The following ELAC2 variants were observed in gnomAD, a reference collection of about 807,000 sequenced individuals.
ELAC2 encodes the protein zinc phosphodiesterase ELAC protein 2.
In ELAC2, 92 loss-of-function variants were observed where a neutral mutation model predicts 105.2. The ratio of observed to expected loss-of-function variants is 0.87; its 90% CI spans 0.74 to 1.04. The LOEUF (loss-of-function observed/expected upper bound fraction) is 1.04. Ranked by LOEUF, ELAC2 falls within the 50% of genes least tolerant of loss-of-function variation. The probability of loss-of-function intolerance (pLI) is 0.00; values close to 1 mark genes in which losing one functional copy is unlikely to be tolerated. For missense variants in ELAC2, 1,099 were observed against 1,071.7 expected (o/e 1.03, Z -0.36); for synonymous variants, 468 against 409.1 (o/e 1.14, Z -1.74).
At position 12,992,156 on chromosome 17, in the gene ELAC2, G is replaced by T. The variant is rs1346611186; in HGVS notation, c.*662C>A. 1.3e-5 allele frequency among the ~76,000 whole-genome samples: 2 copies of T among 151,408 alleles called. No homozygotes were observed. Among genetic ancestry groups the T allele is most frequent in the Non-Finnish European group, 2.9e-5 (2 of 67,940 alleles). On this transcript the variant is annotated 3_prime_UTR_variant, in exon 24 of 24. Coordinates refer to ENST00000338034, the MANE Select transcript of ELAC2 (RefSeq NM_018127.7). ...ATTGATTGATTGATTGATTGATAGA[G>T]AAAGCACGCCCTGCTGTGAGCTGGC...
chr17:13,011,561 A>G, intron 7 of ELAC2, 102 bp downstream of exon 7: 1 of 1,585,158 alleles, frequency 6.3e-7, no homozygotes, highest in Admixed American at 1.7e-5. Flanking sequence ...ATCTGTTTAC[A>G]CACCTGGCTT....
chr17:13,016,183 C>T (rs2041711344), intron 3 of ELAC2, among the ~76,000 whole-genome samples: 1 of 152,144 alleles, frequency 6.6e-6, no homozygotes, highest in Non-Finnish European at 1.5e-5. Flanking sequence ...TCCTTCCGGT[C>T]CATGCCACCA....
rs564459970 is a variant in ELAC2, at chr17:13,001,063, G to C, written c.1305-789C>G. Among the ~76,000 whole-genome samples the C allele has an allele frequency of 2.4e-4, 36 of 152,276 alleles. No individual in the cohort carries two copies. In the South Asian group the frequency reaches 7.2e-3, roughly 31 times the overall value. ...GATGTTGCCTGTGGGCCCGAGTCTT[G>C]CTAGTATAGTCTCTTAAAGGGCCCC... On this transcript the variant is annotated intron_variant, in intron 14 of 23. Transcript: ENST00000338034.
At chr17:13,014,363 A>C (rs1413961181) in intron 5 of ELAC2, 76 bp downstream of exon 5, 1 of 1,102,922 alleles carries the variant, frequency 9.1e-7, no homozygotes, top group Non-Finnish European at 1.4e-6. Flanking sequence ...TGATGTTTTT[A>C]ATGGATTCTA....
chr17:12,994,714 A>G, intron 21 of ELAC2, 50 bp downstream of exon 21: 3 of 1,613,020 alleles, frequency 1.9e-6, no homozygotes, highest in Non-Finnish European at 2.5e-6. Flanking sequence ...ACCTCCAGCT[A>G]CACAAACCCC....
At position 13,017,865 on chromosome 17, in the gene ELAC2, C is replaced by A; in HGVS notation, c.83G>T (p.Arg28Leu). The change falls in exon 1 of 24, where the codon CGC (arginine) becomes CTC (leucine). Residue 28 changes from arginine (R) to leucine (L), a missense_variant. Transcript: ENST00000338034. ...QGRTISQAPA[R>L]RERPRKDPLR... ...CGGGTCCTTGCGCGGCCGCTCGCGG[C>A]GGGCGGGTGCCTGCGATATGGTGCG... is the stretch of plus-strand genomic sequence containing the variant. 5 of 1,554,014 alleles carry A rather than the reference C, an allele frequency of 3.2e-6. No individual in the cohort carries two copies. The highest frequency in any genetic ancestry group is 3.5e-6 in the Non-Finnish European group (4 of 1,151,696).
intron 3 of ELAC2, among the ~76,000 whole-genome samples, chr17:13,016,550 C>T (rs910013278): frequency 2.0e-5 from 3 of 151,670 alleles, no homozygotes; most frequent in Non-Finnish European, 2.9e-5. Flanking sequence ...TCTGGGAGGC[C>T]GAGACAGGAG....
intron 23 of ELAC2, among the ~76,000 whole-genome samples, 155 bp from the exon 24 acceptor site, chr17:12,993,200 G>C (rs574287058): frequency 6.6e-6 from 1 of 152,376 alleles, no homozygotes; most frequent in Non-Finnish European, 1.5e-5. Context: ...AAAAAGAATG[G>C]CATGGAGGGA....
intron 11 of ELAC2, among the ~76,000 whole-genome samples, chr17:13,004,298 C>T (rs778803524): frequency 1.3e-5 from 2 of 152,082 alleles, no homozygotes; most frequent in Non-Finnish European, 2.9e-5. Flanking sequence ...CAACTCCTAA[C>T]GCTCTGACTC....
chr17:13,002,219 A>G, intron 14 of ELAC2, 55 bp downstream of exon 14: 1 of 1,589,348 alleles, frequency 6.3e-7, no homozygotes, highest in South Asian at 1.1e-5. Flanking sequence ...GGCTATTTAC[A>G]GAAATGTTTC....
chr17:13,003,630 A>G, intron 11 of ELAC2, 56 bp from the exon 12 acceptor site: 1 of 1,518,258 alleles, frequency 6.6e-7, no homozygotes, highest in Non-Finnish European at 9.1e-7. Flanking sequence ...ACACCAAGAC[A>G]GGGACCACGC....
chr17:12,996,178 C>T (rs983183972), intron 17 of ELAC2, 200 bp from the exon 18 acceptor site: 9 of 700,422 alleles, frequency 1.3e-5, no homozygotes, highest in African/African-American at 7.1e-5. Flanking sequence ...CGACACGACC[C>T]GTGCTGGGAA....
At position 13,014,488 on chromosome 17, in the gene ELAC2, G is replaced by C; in HGVS notation, c.441C>G (p.Tyr147Ter). 6.2e-7 allele frequency: 1 copy of C among 1,612,896 alleles called. No individual in the cohort carries two copies. Among genetic ancestry groups the C allele is most frequent in the Non-Finnish European group, 8.5e-7 (1 of 1,179,022 alleles). Residue 147 changes from tyrosine (Y) to a stop codon, truncating the protein, a stop_gained, in exon 5 of 24, where the codon TAC becomes TAG. Coordinates refer to ENST00000338034, the MANE Select transcript of ELAC2 (RefSeq NM_018127.7). LOFTEE classifies it high-confidence loss of function. ...CAGAAAATATTTTGATTGCTTCGAG[G>C]TATTTTTCCTAATGAAAAACAAAGA... is the stretch of plus-strand genomic sequence containing the variant. ...VLSGPPQLEK[Y>*]LEAIKIFSGP...
At position 13,017,714 on chromosome 17, in the gene ELAC2, G is replaced by A. The variant is rs1009598122; in HGVS notation, c.234C>T (p.Ser78=). 6.2e-7 allele frequency: 1 copy of A among 1,613,076 alleles called. No homozygotes were observed. The highest frequency in any genetic ancestry group is 1.1e-5 in the South Asian group (1 of 91,024). Residue 78 remains serine, a synonymous_variant, in exon 1 of 24, where the codon TCC becomes TCT. Transcript: ENST00000338034. ...RDSGAALYVF[S]EFNRYLFNCG... ...GCTCGTTGACTGACCGGTTGAACTCGGAGAAGACGTAGAGCGCGGCGCCCG... is the reference window on the plus strand; with the variant it reads ...GCTCGTTGACTGACCGGTTGAACTCAGAGAAGACGTAGAGCGCGGCGCCCG...
intron 14 of ELAC2, chr17:13,000,635 CTCT>C (rs2040740914): frequency 2.9e-6 from 1 of 347,278 alleles, no homozygotes; most frequent in Non-Finnish European, 5.6e-6. Context: ...GCCAAATGTC[CTCT>C]GAGGGGTCAA....
chr17:12,999,917 G>A lies in ELAC2; in HGVS notation c.1423+239C>T, dbSNP rs55787925. On this transcript the variant is annotated intron_variant, in intron 15 of 23. Transcript: ENST00000338034. ...CGCGATCCACCTGCCTCGGCCTCCC[G>A]AAGTGCTGGGATTACAGGTGTGAGC... Among the ~76,000 whole-genome samples, 40,806 of 152,102 alleles carry A rather than the reference G, an allele frequency of 0.27. 5,731 individuals carry two copies. The highest frequency in any genetic ancestry group is 0.33 in the Middle Eastern group (96 of 294).
Position 13,002,338 on chromosome 17 carries a change from C to G in ELAC2, c.1240G>C (p.Val414Leu), listed in dbSNP as rs751420824. The G allele has an allele frequency of 1.9e-6, 3 of 1,614,066 alleles. No individual in the cohort carries two copies. The highest frequency in any genetic ancestry group is 2.5e-6 in the Non-Finnish European group (3 of 1,180,050). ...RCKKEGPTLS[V>L]PMVQGECLLK... The stretch of plus-strand genomic sequence containing the variant: ...AGGCATTCACCCTGAACCATGGGCA[C>G]ACTGAGGGTGGGGCCCTCCTTCTGA... The change falls in exon 14 of 24, where the codon GTG becomes CTG. Residue 414 changes from valine to leucine, a missense_variant. Transcript: ENST00000338034.
chr17:13,011,655 A>C lies in ELAC2; in HGVS notation c.679+8T>G. The C allele has an allele frequency of 6.2e-7, 1 of 1,614,210 alleles. No homozygotes were observed. The highest frequency in any genetic ancestry group is 8.5e-7 in the Non-Finnish European group (1 of 1,180,024). ...CTTTCTGCTGCTCTGTTTTGTTTATACTATTACCATGTGGAAGGTGTGGCT... is the reference window on the plus strand; with the variant it reads ...CTTTCTGCTGCTCTGTTTTGTTTATCCTATTACCATGTGGAAGGTGTGGCT... On this transcript the variant is annotated splice_region_variant and intron_variant, in intron 7 of 23. Transcript: ENST00000338034.
At chr17:13,000,614 T>C (rs770071095) in intron 14 of ELAC2, 85 of 367,880 alleles carry the variant, frequency 2.3e-4, no homozygotes, top group Non-Finnish European at 4.1e-4. Flanking sequence ...CCAAGAACGT[T>C]TCCAGATGTT....
Sources: allele counts gnomAD v4.1 joint callset (sites outside exome capture counted in the v4.1 genomes callset), GRCh38; gene constraint gnomAD v4.1.1; transcripts MANE v1.5; gene names NCBI Gene and HGNC (gene_info 2026-07-23, HGNC 2026-07-21).